The following FHIT variants were observed in gnomAD, a reference collection of about 807,000 sequenced individuals.
FHIT encodes bis(5'-adenosyl)-triphosphatase.
FHIT carries 19 observed loss-of-function variants against 17.9 expected under a neutral mutation model. That is an observed-to-expected ratio of 1.06 (90% CI 0.74 to 1.56). The LOEUF (loss-of-function observed/expected upper bound fraction) is 1.56, where lower values mean the gene tolerates loss of function less well. FHIT is among the 40% of genes most tolerant of loss of function. The pLI, the probability that FHIT is intolerant of heterozygous loss-of-function variation, is 0.00. For missense variants in FHIT, 248 were observed against 189.2 expected, an observed-to-expected ratio of 1.31 and a Z score of -1.82; for synonymous variants, 81 against 69.7, an observed-to-expected ratio of 1.16 and a Z score of -0.81.
At chr3:60,142,323 G>C (rs1439068537) in intron 5 of FHIT, among the ~76,000 whole-genome samples, 1 of 152,116 alleles carries the variant, frequency 6.6e-6, no homozygotes, top group East Asian at 1.9e-4. Context: ...AAAATATGTT[G>C]CACAGGGCCC....
rs571994722 is a variant in FHIT, at chr3:61,196,249, T to C, written c.-164+4368A>G. On this transcript the variant is annotated intron_variant, in intron 2 of 9. Coordinates refer to ENST00000492590, the MANE Select transcript of FHIT (RefSeq NM_002012.4). ...GAGAGGTAGAAAGAAGGCATAGATG[T>C]TGCAGTTTTTAAATATTTGCTATTT... Among the ~76,000 whole-genome samples, 6 of 152,320 alleles carry C rather than the reference T, an allele frequency of 3.9e-5. No individual in the cohort carries two copies. In the East Asian group the frequency reaches 9.6e-4, roughly 24 times the overall value.
chr3:60,239,616 G>T (rs1000028522), intron 5 of FHIT, among the ~76,000 whole-genome samples: 1 of 151,972 alleles, frequency 6.6e-6, no homozygotes, highest in Admixed American at 6.6e-5. Flanking sequence ...AAGTGAAGAG[G>T]CTTTAGAGTT....
chr3:60,347,118 T>C (rs1249421813), intron 5 of FHIT, among the ~76,000 whole-genome samples: 2 of 152,094 alleles, frequency 1.3e-5, no homozygotes, highest in Admixed American at 6.5e-5. Context: ...CCAACTGAAC[T>C]GTTTTGGTCG....
chr3:60,556,977 A>G (rs1023852319), intron 4 of FHIT, among the ~76,000 whole-genome samples: 10 of 152,238 alleles, frequency 6.6e-5, no homozygotes, highest in African/African-American at 2.4e-4. Flanking sequence ...TCTCCTGATG[A>G]TACCCATGAA....
rs956453652 is a variant in FHIT, at chr3:60,308,076, G to A, written c.103+228784C>T. Among the ~76,000 whole-genome samples, 5 of 152,122 alleles carry A rather than the reference G, an allele frequency of 3.3e-5. No individual in the cohort carries two copies. The South Asian group carries it at 6.2e-4, about 19-fold the overall frequency. On this transcript the variant is annotated intron_variant, in intron 5 of 9. Coordinates refer to ENST00000492590, the MANE Select transcript of FHIT (RefSeq NM_002012.4). ...GAGGAAAACAACGGACAGTAATCGTGCTGCACAGCAGCAATCTTGGGAGTT... is the reference window on the plus strand; with the variant it reads ...GAGGAAAACAACGGACAGTAATCGTACTGCACAGCAGCAATCTTGGGAGTT...
intron 5 of FHIT, among the ~76,000 whole-genome samples, chr3:60,048,023 T>C (rs913433871): frequency 6.6e-6 from 1 of 152,214 alleles, no homozygotes; most frequent in Admixed American, 6.5e-5. Flanking sequence ...TGGTTTCTCC[T>C]GAGGCCTCTC....
intron 5 of FHIT, among the ~76,000 whole-genome samples, chr3:60,185,863 A>G (rs1702137512): frequency 6.6e-6 from 1 of 152,176 alleles, no homozygotes; most frequent in African/African-American, 2.4e-5. Context: ...GCTGTGTGAT[A>G]GTATCATCTT....
At chr3:61,241,831 A>T (rs1339174554) in intron 1 of FHIT, among the ~76,000 whole-genome samples, 2 of 152,140 alleles carry the variant, frequency 1.3e-5, no homozygotes, top group African/African-American at 4.8e-5. Flanking sequence ...TTCTATTCCC[A>T]CTTATTCATC....
intron 2 of FHIT, among the ~76,000 whole-genome samples, chr3:61,066,064 T>G (rs2106719212): frequency 6.6e-6 from 1 of 152,314 alleles, no homozygotes; most frequent in South Asian, 2.1e-4. Context: ...GTTACACATG[T>G]AATAAGGCAC....
At chr3:60,473,845 C>A (rs577633529) in intron 5 of FHIT, among the ~76,000 whole-genome samples, 7 of 152,138 alleles carry the variant, frequency 4.6e-5, no homozygotes, top group South Asian at 2.1e-4. Flanking sequence ...ATTACTTGAA[C>A]CCGGGAGGAG....
At chr3:60,576,601 A>C (rs782445565) in intron 4 of FHIT, among the ~76,000 whole-genome samples, 4 of 152,170 alleles carry the variant, frequency 2.6e-5, no homozygotes, top group African/African-American at 7.2e-5. Context: ...GACGTTAATC[A>C]ATTTATTTCA....
intron 5 of FHIT, among the ~76,000 whole-genome samples, chr3:60,312,568 A>G (rs902107278): frequency 2.0e-5 from 3 of 152,180 alleles, no homozygotes; most frequent in Non-Finnish European, 4.4e-5. Flanking sequence ...GAAAACAAAT[A>G]AAGGTTGAAA....
chr3:60,547,866 A>T (rs1208649115), intron 4 of FHIT, among the ~76,000 whole-genome samples: 1 of 152,188 alleles, frequency 6.6e-6, no homozygotes, highest in African/African-American at 2.4e-5. Flanking sequence ...ACACAAAAGC[A>T]AATGCAGGCC....
intron 5 of FHIT, among the ~76,000 whole-genome samples, chr3:60,298,655 C>G (rs935416830): frequency 2.0e-5 from 3 of 152,072 alleles, no homozygotes; most frequent in African/African-American, 7.2e-5. Flanking sequence ...TTATAGTGTT[C>G]TGTTTTTATC....
chr3:60,394,556 G>A (rs572032198), intron 5 of FHIT, among the ~76,000 whole-genome samples: 1 of 152,108 alleles, frequency 6.6e-6, no homozygotes, highest in Non-Finnish European at 1.5e-5. Context: ...AAGGACACAG[G>A]TACCTGCCTG....
At chr3:60,239,007 C>G (rs1011546542) in intron 5 of FHIT, among the ~76,000 whole-genome samples, 3 of 152,114 alleles carry the variant, frequency 2.0e-5, no homozygotes, top group Non-Finnish European at 4.4e-5. Flanking sequence ...AGGAACATCC[C>G]TGGCATTTTT....
At chr3:60,014,636 C>A (rs1016430255) in intron 5 of FHIT, among the ~76,000 whole-genome samples, 2 of 152,142 alleles carry the variant, frequency 1.3e-5, no homozygotes, top group African/African-American at 4.8e-5. Flanking sequence ...AATGAACATA[C>A]AAAAGTAGAT....
chr3:61,007,661 G>T (rs2031540156), intron 3 of FHIT, among the ~76,000 whole-genome samples: 1 of 152,148 alleles, frequency 6.6e-6, no homozygotes. Context: ...GTTCCCTTAT[G>T]CATGCAAATG....
intron 4 of FHIT, among the ~76,000 whole-genome samples, chr3:60,563,083 T>G (rs958050279): frequency 3.9e-5 from 6 of 152,118 alleles, no homozygotes; most frequent in African/African-American, 1.4e-4. Context: ...ACGTGAAACT[T>G]TGGAGCAGTG....
Sources: allele counts gnomAD v4.1 joint callset (sites outside exome capture counted in the v4.1 genomes callset), GRCh38; gene constraint gnomAD v4.1.1; transcripts MANE v1.5; gene names NCBI Gene and HGNC (gene_info 2026-07-23, HGNC 2026-07-21).